Variants in CELF5 observed in about 807,000 individuals in gnomAD.
CELF5 encodes CUG-BP and ETR-3 like factor 5.
CELF5 carries 6 observed loss-of-function variants against 54.9 expected under a neutral mutation model. The ratio of observed to expected loss-of-function variants is 0.11; its 90% CI spans 0.06 to 0.22. The LOEUF is 0.22. Ranked by LOEUF, CELF5 falls within the 10% of genes least tolerant of loss-of-function variation. The pLI, the probability that CELF5 is intolerant of heterozygous loss-of-function variation, is 1.00. For missense variants in CELF5, 401 were observed against 678.6 expected (o/e 0.59, Z 4.54); for synonymous variants, 271 against 290.9 (o/e 0.93, Z 0.70).
intron 1 of CELF5, among the ~76,000 whole-genome samples, chr19:3,236,904 G>A (rs1237094044): frequency 6.6e-6 from 1 of 151,128 alleles, no homozygotes; most frequent in Admixed American, 6.6e-5. Context: ...TGGAAGAATC[G>A]CTTGAACCCG....
intron 2 of CELF5, among the ~76,000 whole-genome samples, chr19:3,262,609 A>G (rs760667209): frequency 6.6e-6 from 1 of 152,190 alleles, no homozygotes; most frequent in Non-Finnish European, 1.5e-5. Flanking sequence ...ATCGGACAGC[A>G]CAAATCTAGA....
chr19:3,253,819 G>T (rs1288210857), intron 2 of CELF5, among the ~76,000 whole-genome samples: 1 of 152,162 alleles, frequency 6.6e-6, no homozygotes, highest in African/African-American at 2.4e-5. Flanking sequence ...GGTCCTGGGG[G>T]AAGCTCTGGT....
chr19:3,280,621 A>C (rs2080133715), intron 5 of CELF5, among the ~76,000 whole-genome samples: 1 of 152,120 alleles, frequency 6.6e-6, no homozygotes, highest in African/African-American at 2.4e-5. Context: ...TGCTAGCTCC[A>C]GGGCATGGAG....
intron 1 of CELF5, among the ~76,000 whole-genome samples, chr19:3,241,868 G>A (rs956406879): frequency 2.0e-5 from 3 of 152,064 alleles, no homozygotes; most frequent in Non-Finnish European, 2.9e-5. Context: ...CTTATCTCCC[G>A]GGTTCGAGCA....
chr19:3,274,934 TCTC>T (rs1029129976), intron 3 of CELF5, among the ~76,000 whole-genome samples: 3 of 151,930 alleles, frequency 2.0e-5, no homozygotes, highest in Non-Finnish European at 4.4e-5. Context: ...TGTATCTCCT[TCTC>T]CTTTTTCTCT....
rs112499585 is a variant in CELF5, at chr19:3,226,267, TTGAATGAA to T, written c.259+1298_259+1305del. ...AATGCATGTTTATTGAATGAATGAA[TTGAATGAA>T]TGAATGAATGAATGAATGAATGAAT... On this transcript the variant is annotated intron_variant, in intron 1 of 12. Coordinates refer to ENST00000292672, the MANE Select transcript of CELF5 (RefSeq NM_021938.4). Among the ~76,000 whole-genome samples the T allele has an allele frequency of 1.8e-3, 268 of 150,396 alleles. 2 individuals carry two copies. Among genetic ancestry groups the T allele is most frequent in the Non-Finnish European group, 2.2e-3 (152 of 67,638 alleles).
intron 2 of CELF5, among the ~76,000 whole-genome samples, chr19:3,266,640 A>C (rs956648084): frequency 5.9e-5 from 9 of 152,174 alleles, no homozygotes; most frequent in Non-Finnish European, 1.2e-4. Context: ...CACACGTCAC[A>C]CTTCTCTCAA....
chr19:3,241,499 A>G (rs1281767879), intron 1 of CELF5, among the ~76,000 whole-genome samples: 2 of 151,560 alleles, frequency 1.3e-5, no homozygotes, highest in Non-Finnish European at 2.9e-5. Context: ...CAGAACCCCA[A>G]GGCTCTCCAG....
Position 3,281,107 on chromosome 19 carries a change from C to A in CELF5, c.604-92C>A. ...CAGCCACTGGCATTACACCCCTCAC[C>A]CAGGAGGCCTGAGCTAACATGAATC... On this transcript the variant is annotated intron_variant, in intron 5 of 12. Transcript: ENST00000292672. This position sits in a 1 kb window ranked among gnomAD's most constrained non-coding sequence, Gnocchi z 6.5. 6.9e-7 allele frequency: 1 copy of A among 1,459,102 alleles called. No homozygotes were observed. Among genetic ancestry groups the A allele is most frequent in the South Asian group, 1.2e-5 (1 of 81,694 alleles). The allele number at this position is 1,459,102 out of a possible 1,614,324, so 90.4% of individuals were successfully genotyped here.
intron 2 of CELF5, among the ~76,000 whole-genome samples, chr19:3,256,291 C>A (rs1568342075): frequency 6.6e-6 from 1 of 152,088 alleles, no homozygotes; most frequent in Non-Finnish European, 1.5e-5. Context: ...TTCTGCTCAT[C>A]CCTGACCTCT....
chr19:3,284,961 A>C lies in CELF5; in HGVS notation c.1099A>C (p.Thr367Pro), dbSNP rs776563322. The change falls in exon 9 of 13, where the codon ACA (threonine) becomes CCA (proline). Residue 367 changes from threonine (T) to proline (P), a missense_variant. Thr to Pro is a conservative substitution (Grantham distance 38, BLOSUM62 -1). Coordinates refer to ENST00000292672, the MANE Select transcript of CELF5 (RefSeq NM_021938.4). ...TGCCTTCTCCGGAGTCCAGCAGTAC[A>C]CAGGTAGGAGGCAGCCCGCGTGCCC... ...HPAFSGVQQY[T>P]AMYPTAAITP... 1 of 1,610,840 alleles carries C rather than the reference A, an allele frequency of 6.2e-7. No individual in the cohort carries two copies. Among genetic ancestry groups the C allele is most frequent in the East Asian group, 2.2e-5 (1 of 44,818 alleles).
chr19:3,264,698 G>C (rs1184481536), intron 2 of CELF5, among the ~76,000 whole-genome samples: 1 of 145,760 alleles, frequency 6.9e-6, no homozygotes, highest in Non-Finnish European at 1.5e-5. Context: ...TTACAGGCGT[G>C]AGCCACCACA....
At chr19:3,288,391 G>A (rs537778923) in intron 10 of CELF5, among the ~76,000 whole-genome samples, 78 of 152,114 alleles carry the variant, frequency 5.1e-4, no homozygotes, top group African/African-American at 1.8e-3. Flanking sequence ...GCGTGGTGAC[G>A]CATGCCTGTA....
chr19:3,292,929 G>T (rs950285575), intron 11 of CELF5, among the ~76,000 whole-genome samples: 4 of 152,064 alleles, frequency 2.6e-5, no homozygotes, highest in Admixed American at 2.0e-4. Flanking sequence ...GAGAGACAAA[G>T]TTGTGGACAC....
At chr19:3,290,463 C>A in intron 11 of CELF5, 89 bp downstream of exon 11, 1 of 1,417,758 alleles carries the variant, frequency 7.1e-7, no homozygotes, top group Non-Finnish European at 9.8e-7. Context: ...GGCCTCGGGA[C>A]AGGGCTGTGC....
chr19:3,236,928 G>C (rs1046646189), intron 1 of CELF5, among the ~76,000 whole-genome samples: 1 of 150,728 alleles, frequency 6.6e-6, no homozygotes, highest in African/African-American at 2.4e-5. Context: ...GGCGGAGATT[G>C]CAGTGAGCTG....
intron 11 of CELF5, 124 bp from the exon 12 acceptor site, chr19:3,293,195 C>G: frequency 3.9e-6 from 5 of 1,289,408 alleles, no homozygotes; most frequent in Non-Finnish European, 3.3e-6. Context: ...AACACCCTGG[C>G]CTGTGCAGGT....
chr19:3,289,931 T>C (rs1287293165), intron 10 of CELF5, among the ~76,000 whole-genome samples: 2 of 151,918 alleles, frequency 1.3e-5, no homozygotes, highest in Non-Finnish European at 2.9e-5. Context: ...GGTCAGAGAT[T>C]GAGGGTTGAT....
chr19:3,245,749 C>T (rs901066924), intron 1 of CELF5, among the ~76,000 whole-genome samples: 3 of 152,082 alleles, frequency 2.0e-5, no homozygotes, highest in Admixed American at 2.0e-4. Context: ...CAAGAATAGA[C>T]CATCACATAC....
Sources: allele counts gnomAD v4.1 joint callset (sites outside exome capture counted in the v4.1 genomes callset), GRCh38; gene constraint gnomAD v4.1.1; non-coding constraint Gnocchi (gnomAD v3.1); transcripts MANE v1.5; gene names NCBI Gene and HGNC (gene_info 2026-07-23, HGNC 2026-07-21).